Variants in TNIK observed in about 807,000 individuals in gnomAD.
TNIK encodes TRAF2 and NCK-interacting protein kinase.
A neutral mutation model predicts 191.3 loss-of-function variants in TNIK; 49 were observed. The observed-to-expected ratio is 0.26, with a 90% confidence interval of 0.20 to 0.32. The LOEUF (loss-of-function observed/expected upper bound fraction) is 0.32, where lower values mean the gene tolerates loss of function less well. Among genes scored for constraint, TNIK ranks in the 10% least tolerant of loss-of-function variants. The pLI is 1.00. For synonymous variants in TNIK, 594 were observed against 600.9 expected (o/e 0.99, Z 0.17); for missense variants, 1,155 against 1,702.3 (o/e 0.68, Z 5.66).
rs1014720273 is a variant in TNIK, at chr3:171,252,798, C to T, written c.124-24577G>A. 2.6e-5 allele frequency among the ~76,000 whole-genome samples: 4 copies of T among 152,066 alleles called. No individual in the cohort carries two copies. In the South Asian group the frequency reaches 6.2e-4, roughly 24 times the overall value. On this transcript the variant is annotated intron_variant, in intron 2 of 32. Coordinates refer to ENST00000436636, the MANE Select transcript of TNIK (RefSeq NM_015028.4). The stretch of plus-strand genomic sequence containing the variant: ...GGGGTAGTGGAATGGGGAGAGCACT[C>T]GGTTCCTGGTGACACCATCTAAATC...
intron 2 of TNIK, among the ~76,000 whole-genome samples, chr3:171,331,718 C>T (rs529293607): frequency 1.3e-5 from 2 of 152,298 alleles, no homozygotes; most frequent in East Asian, 3.9e-4. Context: ...TCCAGTGTTC[C>T]ATCCAGGATG....
intron 1 of TNIK, among the ~76,000 whole-genome samples, chr3:171,395,250 C>T (rs1350420514): frequency 1.3e-5 from 2 of 152,158 alleles, no homozygotes; most frequent in Non-Finnish European, 2.9e-5. Context: ...CCGGATCTAT[C>T]CCTCGCTAAC....
intron 30 of TNIK, among the ~76,000 whole-genome samples, chr3:171,067,256 G>A (rs1309833619): frequency 6.6e-6 from 1 of 151,822 alleles, no homozygotes; most frequent in South Asian, 2.1e-4. Context: ...GGGTCAAAAT[G>A]AACTACCAAA....
At chr3:171,451,046 G>A (rs1728109546) in intron 1 of TNIK, among the ~76,000 whole-genome samples, 1 of 152,202 alleles carries the variant, frequency 6.6e-6, no homozygotes, top group African/African-American at 2.4e-5. Context: ...TTAGTAGGGA[G>A]CCTCTAAGAG....
At chr3:171,297,165 G>A (rs771615617) in intron 2 of TNIK, among the ~76,000 whole-genome samples, 1 of 152,124 alleles carries the variant, frequency 6.6e-6, no homozygotes, top group African/African-American at 2.4e-5. Flanking sequence ...TTTCCAAAAG[G>A]GGAAAGACCG....
At chr3:171,276,095 G>T (rs13090932) in intron 2 of TNIK, among the ~76,000 whole-genome samples, 80,469 of 151,818 alleles carry the variant, frequency 0.53, 22,232 homozygotes, top group African/African-American at 0.65. Context: ...CACAAATGCT[G>T]AAGAAAGGAG....
intron 15 of TNIK, among the ~76,000 whole-genome samples, chr3:171,130,625 C>T (rs1157711492): frequency 6.6e-6 from 1 of 152,212 alleles, no homozygotes; most frequent in Non-Finnish European, 1.5e-5. Flanking sequence ...GAGATCAAGG[C>T]ATGCAATATA....
chr3:171,411,995 G>T (rs1229665573), intron 1 of TNIK, among the ~76,000 whole-genome samples: 1 of 152,076 alleles, frequency 6.6e-6, no homozygotes, highest in Non-Finnish European at 1.5e-5. Context: ...TGGCTTTTTT[G>T]CCTTGGGTGC....
chr3:171,090,401 CT>C (rs533055335), intron 23 of TNIK, among the ~76,000 whole-genome samples: 10 of 150,100 alleles, frequency 6.7e-5, no homozygotes, highest in East Asian at 1.9e-4. Flanking sequence ...AAAAAATGTT[CT>C]TTTTTTTCTT....
intron 2 of TNIK, among the ~76,000 whole-genome samples, chr3:171,345,434 G>A (rs1326648987): frequency 6.8e-6 from 1 of 147,870 alleles, no homozygotes; most frequent in African/African-American, 2.5e-5. Flanking sequence ...AAAACACCGA[G>A]TTTTTTTTTT....
chr3:171,418,018 TG>T (rs1188404343), intron 1 of TNIK, among the ~76,000 whole-genome samples: 2 of 152,090 alleles, frequency 1.3e-5, no homozygotes, highest in African/African-American at 4.8e-5. Context: ...ATGTGTGGTC[TG>T]GGTCCAGCCA....
At chr3:171,419,117 G>C (rs80301930) in intron 1 of TNIK, among the ~76,000 whole-genome samples, 2 of 152,076 alleles carry the variant, frequency 1.3e-5, no homozygotes, top group Admixed American at 6.6e-5. Flanking sequence ...CAAAGGGCCC[G>C]TCTCCAAATA....
intron 23 of TNIK, among the ~76,000 whole-genome samples, chr3:171,093,305 A>G (rs1420897436): frequency 3.3e-5 from 5 of 152,228 alleles, no homozygotes; most frequent in African/African-American, 7.2e-5. Flanking sequence ...AAATTCAACC[A>G]AAGTTCCAAG....
In TNIK at chr3:171,460,292, G is replaced by T. The variant is rs1234814604; in HGVS notation, c.-229C>A. On this transcript the variant is annotated 5_prime_UTR_variant, in exon 1 of 33. Transcript: ENST00000436636. The surrounding 1 kb of genome is among the most constrained non-coding windows in gnomAD (Gnocchi z 6.8). ...CGCGGATCTCCAAGCCCCGAGCAGC[G>T]GTGCGTGTGGGCTGAGCGCCCCGAT... The T allele has an allele frequency of 3.3e-6, 2 of 600,324 alleles. No individual in the cohort carries two copies. The highest frequency in any genetic ancestry group is 5.8e-6 in the Non-Finnish European group (2 of 341,898). 37.2% of individuals were successfully genotyped at this position (600,324 alleles called of 1,614,324 possible).
intron 30 of TNIK, 127 bp downstream of exon 30, chr3:171,068,721 G>T: frequency 1.1e-6 from 1 of 900,582 alleles, no homozygotes; most frequent in Non-Finnish European, 1.5e-6. Context: ...ACTTAATGAA[G>T]AACGAAAGTC....
chr3:171,309,394 C>T (rs975024205), intron 2 of TNIK, among the ~76,000 whole-genome samples: 2 of 151,970 alleles, frequency 1.3e-5, no homozygotes, highest in Non-Finnish European at 2.9e-5. Flanking sequence ...GACAACAGGG[C>T]CTACTGGAAA....
chr3:171,179,816 C>A (rs542296288), intron 7 of TNIK, among the ~76,000 whole-genome samples: 4 of 152,286 alleles, frequency 2.6e-5, no homozygotes, highest in Admixed American at 2.0e-4. Context: ...AACACTGAAT[C>A]ATTTGCTGTT....
intron 2 of TNIK, among the ~76,000 whole-genome samples, chr3:171,232,791 A>G (rs769752223): frequency 1.3e-5 from 2 of 152,186 alleles, no homozygotes; most frequent in Non-Finnish European, 2.9e-5. Flanking sequence ...AACTATGCTG[A>G]TCCTTGTTCT....
At chr3:171,411,643 T>G (rs1722443858) in intron 1 of TNIK, among the ~76,000 whole-genome samples, 1 of 152,212 alleles carries the variant, frequency 6.6e-6, no homozygotes, top group Non-Finnish European at 1.5e-5. Flanking sequence ...CATACAGATT[T>G]AATTCCTGTT....
Sources: allele counts gnomAD v4.1 joint callset (sites outside exome capture counted in the v4.1 genomes callset), GRCh38; gene constraint gnomAD v4.1.1; non-coding constraint Gnocchi (gnomAD v3.1); transcripts MANE v1.5; gene names NCBI Gene and HGNC (gene_info 2026-07-23, HGNC 2026-07-21).